Variants in RTL4 observed in about 807,000 individuals in gnomAD.
The protein encoded by RTL4 is retrotransposon Gag like 4.
RTL4 carries 4 observed loss-of-function variants against 5.3 expected under a neutral mutation model. That is an observed-to-expected ratio of 0.75 (90% CI 0.37 to 1.72). The LOEUF (loss-of-function observed/expected upper bound fraction) is 1.72. Ranked by LOEUF, RTL4 falls within the 40% of genes most tolerant of loss-of-function variation. The pLI is 0.04. For missense variants in RTL4, 260 were observed against 227.1 expected, an observed-to-expected ratio of 1.14 and a Z score of -0.93; for synonymous variants, 98 against 87.3, an observed-to-expected ratio of 1.12 and a Z score of -0.68.
the RTL4 span, among the ~76,000 whole-genome samples, chrX:112,259,138 A>C: frequency 9.0e-6 from 1 of 111,543 alleles, no homozygotes; most frequent in Admixed American, 9.6e-5. Flanking sequence ...GTTTAAATCG[A>C]AAAAGTCCTG....
the RTL4 span, among the ~76,000 whole-genome samples, chrX:112,086,834 G>A: frequency 8.9e-6 from 1 of 111,863 alleles, no homozygotes; most frequent in African/African-American, 3.2e-5. Context: ...GAATTGGGAC[G>A]ACGAATGACT....
At chrX:112,145,821 G>T in the RTL4 span, among the ~76,000 whole-genome samples, 21 of 111,140 alleles carry the variant, frequency 1.9e-4, no homozygotes, top group Non-Finnish European at 3.8e-4. Context: ...GAGAAAGAAG[G>T]AATCCCAGCA....
the RTL4 span, among the ~76,000 whole-genome samples, chrX:112,103,564 T>C: frequency 9.2e-6 from 1 of 109,160 alleles, no homozygotes; most frequent in East Asian, 2.9e-4. Flanking sequence ...CCTACACATG[T>C]ACCCTGGAAC....
At chrX:112,272,685 G>C in the RTL4 span, among the ~76,000 whole-genome samples, 1 of 111,299 alleles carries the variant, frequency 9.0e-6, no homozygotes, top group African/African-American at 3.3e-5. Context: ...TGTAGTCTTT[G>C]TAAAGACTCA....
At chrX:112,374,495 T>C in the RTL4 span, among the ~76,000 whole-genome samples, 1 of 112,095 alleles carries the variant, frequency 8.9e-6, no homozygotes, top group African/African-American at 3.2e-5. Context: ...AATTTCTAAA[T>C]ACATTTTAGA....
At chrX:112,439,626 A>C in the RTL4 span, among the ~76,000 whole-genome samples, 607 of 111,904 alleles carry the variant, frequency 5.4e-3, 2 homozygotes, top group African/African-American at 0.019. Flanking sequence ...TTGATCCCCA[A>C]TGTTGGAGGT....
chrX:112,206,407 G>A, the RTL4 span, among the ~76,000 whole-genome samples: 1 of 111,208 alleles, frequency 9.0e-6, no homozygotes, highest in Non-Finnish European at 1.9e-5. Flanking sequence ...TGAAATGCCA[G>A]CATTACTTTT....
chrX:112,409,406 A>G, the RTL4 span, among the ~76,000 whole-genome samples: 1 of 111,806 alleles, frequency 8.9e-6, no homozygotes, highest in Non-Finnish European at 1.9e-5. Context: ...ATCAAAAAAC[A>G]TACAATGGAG....
At chrX:112,273,880 C>T in the RTL4 span, among the ~76,000 whole-genome samples, 1 of 111,896 alleles carries the variant, frequency 8.9e-6, no homozygotes, top group Admixed American at 9.4e-5. Flanking sequence ...AATACATGTA[C>T]AGAATGCTAA....
At chrX:112,103,853 C>A in the RTL4 span, among the ~76,000 whole-genome samples, 1 of 110,731 alleles carries the variant, frequency 9.0e-6, no homozygotes, top group Non-Finnish European at 1.9e-5. Context: ...CTAAATCTAG[C>A]TAATTAAATT....
At chrX:112,116,058 A>G in the RTL4 span, among the ~76,000 whole-genome samples, 2 of 112,037 alleles carry the variant, frequency 1.8e-5, no homozygotes, top group African/African-American at 6.5e-5. Context: ...CAGGCTCCCA[A>G]CTTCGAAGAG....
At chrX:112,294,015 A>G in the RTL4 span, among the ~76,000 whole-genome samples, 1 of 112,150 alleles carries the variant, frequency 8.9e-6, no homozygotes, top group Non-Finnish European at 1.9e-5. Flanking sequence ...GCTGTTCTTT[A>G]TAAATAAAAC....
the RTL4 span, among the ~76,000 whole-genome samples, chrX:112,431,653 C>T: frequency 9.0e-6 from 1 of 111,627 alleles, no homozygotes; most frequent in South Asian, 3.7e-4. Flanking sequence ...TTCTCTGACA[C>T]ATTTAAGAAG....
At chrX:112,136,120 CATTT>C in the RTL4 span, among the ~76,000 whole-genome samples, 1 of 110,005 alleles carries the variant, frequency 9.1e-6, no homozygotes, top group Non-Finnish European at 1.9e-5. Flanking sequence ...TCTTCATTTC[CATTT>C]TGGATAGTTT....
chrX:112,177,829 G>C, the RTL4 span, among the ~76,000 whole-genome samples: 1 of 111,162 alleles, frequency 9.0e-6, no homozygotes, highest in South Asian at 3.8e-4. Flanking sequence ...CAAAGAGCCA[G>C]ATGGTAAATA....
At chrX:112,299,919 CAT>C in the RTL4 span, among the ~76,000 whole-genome samples, 1 of 111,232 alleles carries the variant, frequency 9.0e-6, no homozygotes, top group Non-Finnish European at 1.9e-5. Flanking sequence ...CATACACACA[CAT>C]ATATCACACA....
At chrX:112,352,711 T>G in the RTL4 span, among the ~76,000 whole-genome samples, 2 of 110,821 alleles carry the variant, frequency 1.8e-5, no homozygotes, top group African/African-American at 3.3e-5. Flanking sequence ...CATGTTGGCC[T>G]AAAAACCATA....
At chrX:112,084,769 G>C in the RTL4 span, among the ~76,000 whole-genome samples, 3 of 111,270 alleles carry the variant, frequency 2.7e-5, no homozygotes, top group South Asian at 1.1e-3. Context: ...GAGAGCAAAA[G>C]CCTTATTCTT....
the RTL4 span, among the ~76,000 whole-genome samples, chrX:112,354,288 C>T: frequency 9.0e-6 from 1 of 111,002 alleles, no homozygotes; most frequent in Non-Finnish European, 1.9e-5. Flanking sequence ...TGACAGTGGA[C>T]AATTTGCCTA....
Sources: gnomAD v4.1 joint callset for allele counts (sites outside exome capture counted in the v4.1 genomes callset) on GRCh38, gnomAD v4.1.1 for gene constraint, MANE v1.5 for transcripts, NCBI Gene and HGNC (gene_info 2026-07-23, HGNC 2026-07-21) for gene names.